The following SVEP1 variants were observed in gnomAD, a reference collection of about 807,000 sequenced individuals.
SVEP1 encodes sushi, von Willebrand factor type A, EGF and pentraxin domain containing 1.
SVEP1 carries 164 observed loss-of-function variants against 367.3 expected under a neutral mutation model. That is an observed-to-expected ratio of 0.45 (90% CI 0.39 to 0.51). The LOEUF is 0.51. Among genes scored for constraint, SVEP1 ranks in the 20% least tolerant of loss-of-function variants. The pLI, the probability that SVEP1 is intolerant of heterozygous loss-of-function variation, is 0.00. For missense variants in SVEP1, 4,117 were observed against 4,425.3 expected (o/e 0.93, Z 1.98); for synonymous variants, 1,666 against 1,611.6 (o/e 1.03, Z -0.81).
chr9:110,430,430 G>A lies in SVEP1; in HGVS notation c.5374C>T (p.Pro1792Ser). The A allele has an allele frequency of 1.2e-6, 2 of 1,611,778 alleles. No individual in the cohort carries two copies. The highest frequency in any genetic ancestry group is 1.7e-6 in the Non-Finnish European group (2 of 1,178,910). ...GAGTGGCCATTTTCCGGATTTCCTG[G>A]AGCCTTACATTTTATAGGTTCTAGA... ...NCAEPIKCKAPGNPENGHSSG... is the reference protein window; with the variant it reads ...NCAEPIKCKASGNPENGHSSG... The change falls in exon 33 of 48, where the codon CCA becomes TCA. Residue 1792 changes from proline (P) to serine (S), a missense_variant. By Grantham distance (74) the Pro-to-Ser change is moderately conservative. Coordinates refer to ENST00000374469, the MANE Select transcript of SVEP1 (RefSeq NM_153366.4).
Position 110,390,143 on chromosome 9 carries a change from A to G in SVEP1, c.9823-556T>C, listed in dbSNP as rs146419073. Among the ~76,000 whole-genome samples the G allele has an allele frequency of 1.6e-3, 150 of 91,986 alleles. 1 individual carries two copies. The highest frequency in any genetic ancestry group is 4.5e-3 in the African/African-American group (130 of 28,926). The allele number at this position is 91,986 out of a possible 152,430, so 60.3% of individuals were successfully genotyped here. ...CATACATACTTATATAAGTATATAT[A>G]CAAGTATATACATACATACTTATAT... On this transcript the variant is annotated intron_variant, in intron 40 of 47. Transcript: ENST00000374469.
chr9:110,395,940 TCAA>T (rs1353210538), intron 40 of SVEP1, among the ~76,000 whole-genome samples: 1 of 150,750 alleles, frequency 6.6e-6, no homozygotes, highest in Non-Finnish European at 1.5e-5. Context: ...ATTAGACAGA[TCAA>T]CGAGACAGAA....
Position 110,482,488 on chromosome 9 carries a change from A to G in SVEP1, c.2043T>C (p.Ala681=). The G allele has an allele frequency of 1.9e-6, 3 of 1,566,608 alleles. No individual in the cohort carries two copies. The highest frequency in any genetic ancestry group is 2.6e-6 in the Non-Finnish European group (3 of 1,154,446). Residue 681 remains alanine, a synonymous_variant, in exon 11 of 48, where the codon GCT becomes GCC. Transcript: ENST00000374469. Reference sequence around the variant, plus strand: ...TATGACTTCTGGTAATGACCAATTCAGCCCCTGGAAAGGAAAGAAGGCAGC... The same window carrying G: ...TATGACTTCTGGTAATGACCAATTCGGCCCCTGGAAAGGAAAGAAGGCAGC... ...DEPQFSDNSG[A]ELVITRSHTQ... is the part of the protein sequence containing the mutation.
intron 3 of SVEP1, among the ~76,000 whole-genome samples, chr9:110,525,983 C>T (rs1829935954): frequency 6.6e-6 from 1 of 151,818 alleles, no homozygotes; most frequent in South Asian, 2.1e-4. Context: ...ATCAGACATC[C>T]GTAAGTACAA....
At chr9:110,480,780 C>T (rs1829173549) in intron 12 of SVEP1, among the ~76,000 whole-genome samples, 1 of 151,644 alleles carries the variant, frequency 6.6e-6, no homozygotes, top group Non-Finnish European at 1.5e-5. Flanking sequence ...CACAGGAGCA[C>T]ACCACCAGGC....
chr9:110,389,618 T>A (rs1446599405), intron 40 of SVEP1, 31 bp from the exon 41 acceptor site: 1 of 1,610,860 alleles, frequency 6.2e-7, no homozygotes, highest in Admixed American at 1.7e-5. Flanking sequence ...GTCATCAAGA[T>A]CATAACTCTA....
At position 110,443,564 on chromosome 9, in the gene SVEP1, A is replaced by G. The variant is rs1220439378; in HGVS notation, c.4620T>C (p.Ser1540=). The change falls in exon 27 of 48, where the codon TCT becomes TCC. Residue 1540 remains serine (S), a synonymous_variant. Transcript: ENST00000374469. ...ACATACCAGGTATGGGCAAACCAAC[A>G]GAGAGGCCAGCACCACCGTCAGATA... ...GKLSDGGAGL[S]VGLPIPGGGA... 1 of 1,609,126 alleles carries G rather than the reference A, an allele frequency of 6.2e-7. No individual in the cohort carries two copies. The highest frequency in any genetic ancestry group is 8.5e-7 in the Non-Finnish European group (1 of 1,177,720).
At chr9:110,470,088 T>C (rs1277659651) in intron 16 of SVEP1, among the ~76,000 whole-genome samples, 1 of 152,082 alleles carries the variant, frequency 6.6e-6, no homozygotes, top group Non-Finnish European at 1.5e-5. Context: ...ACAGTTCCAT[T>C]ACAGGAGATT....
intron 25 of SVEP1, among the ~76,000 whole-genome samples, chr9:110,446,257 A>G (rs1281049377): frequency 1.3e-5 from 2 of 152,262 alleles, no homozygotes; most frequent in Non-Finnish European, 2.9e-5. Context: ...TTCAATAGTG[A>G]AAGGAAGCAG....
chr9:110,564,544 T>C (rs934339360), intron 1 of SVEP1, among the ~76,000 whole-genome samples: 2 of 152,198 alleles, frequency 1.3e-5, no homozygotes, highest in African/African-American at 4.8e-5. Context: ...TTTAAGTTCG[T>C]GAACTTACTG....
intron 36 of SVEP1, among the ~76,000 whole-genome samples, chr9:110,425,498 G>T (rs1298568653): frequency 6.6e-6 from 1 of 152,158 alleles, no homozygotes; most frequent in Non-Finnish European, 1.5e-5. Flanking sequence ...AGAGAATGTG[G>T]CCCAACACCT....
Position 110,432,579 on chromosome 9 carries a change from A to G in SVEP1, c.5116T>C (p.Phe1706Leu), listed in dbSNP as rs1273986122. ...TAGGTTACTGTGCTGCCAGCATAGA[A>G]GTCATCGGCTGAATGGAAGCCATTC... The part of the protein sequence containing the change: ...LENGFHSADD[F>L]YAGSTVTYQC... The change falls in exon 31 of 48, where the codon TTC (phenylalanine) becomes CTC (leucine). Residue 1706 changes from phenylalanine (F) to leucine (L), a missense_variant. By Grantham distance (22) the Phe-to-Leu change is conservative (BLOSUM62 0). Transcript: ENST00000374469. 2 of 1,613,902 alleles carry G rather than the reference A, an allele frequency of 1.2e-6. No individual in the cohort carries two copies. The highest frequency in any genetic ancestry group is 2.2e-5 in the South Asian group (2 of 91,062).
chr9:110,434,188 C>T, intron 30 of SVEP1, 148 bp downstream of exon 30: 1 of 933,898 alleles, frequency 1.1e-6, no homozygotes, highest in Non-Finnish European at 1.6e-6. Flanking sequence ...ATGCCCAGCA[C>T]AGTTCATTAA....
At chr9:110,501,393 T>C (rs1243994474) in intron 6 of SVEP1, among the ~76,000 whole-genome samples, 2 of 126,836 alleles carry the variant, frequency 1.6e-5, no homozygotes, top group African/African-American at 2.8e-5. Flanking sequence ...TCATTGTATA[T>C]AGAAAAGCTG....
In SVEP1 at chr9:110,430,359, A is replaced by G; in HGVS notation, c.5445T>C (p.Cys1815=). 2 of 1,613,544 alleles carry G rather than the reference A, an allele frequency of 1.2e-6. No homozygotes were observed. The highest frequency in any genetic ancestry group is 1.7e-6 in the Non-Finnish European group (2 of 1,179,730). The part of the protein sequence containing the change: ...YTVGAEVTFS[C]QEGYQLMGVT... ...CTCCCATCAACTGGTATCCTTCCTG[A>G]CACGAAAATGTGACTTCGGCACCTA... Residue 1815 remains cysteine, a synonymous_variant, in exon 33 of 48, where the codon TGT becomes TGC. Transcript: ENST00000374469.
chr9:110,439,396 A>AT (rs569625959), intron 27 of SVEP1, among the ~76,000 whole-genome samples: 2 of 151,526 alleles, frequency 1.3e-5, no homozygotes, highest in Non-Finnish European at 2.9e-5. Flanking sequence ...GGGTATTTTT[A>AT]TTTTTTTTAT....
Position 110,377,332 on chromosome 9 carries a change from G to C in SVEP1, c.10443C>G (p.Ile3481Met), listed in dbSNP as rs751421864. The C allele has an allele frequency of 1.9e-6, 3 of 1,613,858 alleles. No individual in the cohort carries two copies. The South Asian group carries it at 3.3e-5, about 18-fold the overall frequency. ...AGGAACAAGCATTTGGGCGTTGGCAGATGCCCCCATTCTGACATGGAAATC... is the reference window on the plus strand; with the variant it reads ...AGGAACAAGCATTTGGGCGTTGGCACATGCCCCCATTCTGACATGGAAATC... ...VCRFPCQNGG[I>M]CQRPNACSCP... The change falls in exon 45 of 48, where the codon ATC becomes ATG. Residue 3481 changes from isoleucine (I) to methionine (M), a missense_variant. Physicochemically the swap from Ile to Met is conservative, Grantham distance 10. Around this residue, in one of 4 missense-constraint regions of SVEP1, gnomAD observed 1,765 missense variants for 1,781.1 expected, o/e 0.99. Transcript: ENST00000374469.
intron 40 of SVEP1, among the ~76,000 whole-genome samples, chr9:110,390,880 G>A (rs754000257): frequency 1.1e-3 from 166 of 152,152 alleles, no homozygotes; most frequent in East Asian, 6.6e-3. Flanking sequence ...AGAAACTTCT[G>A]TGTAGACATC....
At chr9:110,473,233 T>G (rs1311958463) in intron 14 of SVEP1, among the ~76,000 whole-genome samples, 1 of 152,220 alleles carries the variant, frequency 6.6e-6, no homozygotes, top group Non-Finnish European at 1.5e-5. Flanking sequence ...CTATTAAAAT[T>G]AACTGGGATT....
Sources: allele counts gnomAD v4.1 joint callset (sites outside exome capture counted in the v4.1 genomes callset), GRCh38; gene constraint gnomAD v4.1.1; regional missense constraint gnomAD v4.1.1; transcripts MANE v1.5; gene names NCBI Gene and HGNC (gene_info 2026-07-23, HGNC 2026-07-21).